GRM7: variants seen among roughly 807,000 people sequenced by gnomAD.
GRM7 encodes metabotropic glutamate receptor 7.
In GRM7, 35 loss-of-function variants were observed where a neutral mutation model predicts 84.5. That is an observed-to-expected ratio of 0.41 (90% CI 0.32 to 0.55). The LOEUF is 0.55. GRM7 is among the 20% of genes least tolerant of loss of function. The pLI, the probability that GRM7 is intolerant of heterozygous loss-of-function variation, is 0.19. For missense variants in GRM7, 1,003 were observed against 1,194.6 expected, an observed-to-expected ratio of 0.84 and a Z score of 2.36; for synonymous variants, 487 against 455.1, an observed-to-expected ratio of 1.07 and a Z score of -0.89.
chr3:7,435,073 G>A (rs1696986846), intron 5 of GRM7, among the ~76,000 whole-genome samples: 2 of 151,698 alleles, frequency 1.3e-5, no homozygotes, highest in African/African-American at 4.8e-5. Flanking sequence ...TAATTTATTG[G>A]CAAGCAAAAA....
At position 7,078,035 on chromosome 3, in the gene GRM7, G is replaced by A. The variant is rs62235993; in HGVS notation, c.520-68417G>A. Reference sequence around the variant, plus strand: ...CCTCAGGTAGCGTGAACAAATAACAGCACAGGCATTGGGTAAATGAATGGG... The same window carrying A: ...CCTCAGGTAGCGTGAACAAATAACAACACAGGCATTGGGTAAATGAATGGG... On this transcript the variant is annotated intron_variant, in intron 1 of 9. Transcript: ENST00000357716. Among the ~76,000 whole-genome samples the A allele has an allele frequency of 2.6e-3, 400 of 152,286 alleles. 2 individuals are homozygous for A. The highest frequency in any genetic ancestry group is 0.01 in the Middle Eastern group (3 of 294).
intron 3 of GRM7, among the ~76,000 whole-genome samples, chr3:7,303,608 T>G (rs909626952): frequency 2.6e-5 from 4 of 152,264 alleles, no homozygotes; most frequent in Admixed American, 2.6e-4. Context: ...AGTTATTTTT[T>G]TGGAAAACAT....
intron 1 of GRM7, among the ~76,000 whole-genome samples, chr3:6,956,901 C>T (rs1340823807): frequency 6.6e-6 from 1 of 152,080 alleles, no homozygotes; most frequent in Non-Finnish European, 1.5e-5. Context: ...ATAGGCTAAA[C>T]AAATATAAAC....
intron 8 of GRM7, among the ~76,000 whole-genome samples, chr3:7,671,132 C>A (rs903060334): frequency 2.0e-5 from 3 of 152,054 alleles, no homozygotes; most frequent in African/African-American, 7.2e-5. Context: ...ATCTTGAAAT[C>A]AAAATTGAGG....
At chr3:6,971,279 G>C (rs1693751442) in intron 1 of GRM7, among the ~76,000 whole-genome samples, 1 of 151,872 alleles carries the variant, frequency 6.6e-6, no homozygotes, top group Non-Finnish European at 1.5e-5. Flanking sequence ...ACCAATAAAA[G>C]TCAACAACTA....
At chr3:7,099,311 T>A (rs1217193920) in intron 1 of GRM7, among the ~76,000 whole-genome samples, 2 of 147,568 alleles carry the variant, frequency 1.4e-5, no homozygotes. Flanking sequence ...TACACATGTA[T>A]TATACATGTA....
At chr3:7,307,150 C>A (rs554055788) in intron 4 of GRM7, among the ~76,000 whole-genome samples, 6 of 152,266 alleles carry the variant, frequency 3.9e-5, no homozygotes, top group Admixed American at 2.6e-4. Context: ...CTTCCTAGGT[C>A]CCTTTTGTTT....
chr3:7,103,758 CTTTCTTTCTT>C (rs1389520311), intron 1 of GRM7, among the ~76,000 whole-genome samples: 2 of 36,286 alleles, frequency 5.5e-5, no homozygotes, highest in Non-Finnish European at 1.0e-4. Context: ...CCCTTTCTTT[CTTTCTTTCTT>C]TCTTTCTTTC....
At chr3:7,625,977 A>G (rs950869393) in intron 8 of GRM7, among the ~76,000 whole-genome samples, 1 of 152,192 alleles carries the variant, frequency 6.6e-6, no homozygotes, top group Admixed American at 6.6e-5. Context: ...CATTCAAGTT[A>G]CAGATTGTCC....
At chr3:7,240,686 T>C (rs1420194912) in intron 2 of GRM7, among the ~76,000 whole-genome samples, 1 of 152,158 alleles carries the variant, frequency 6.6e-6, no homozygotes, top group Non-Finnish European at 1.5e-5. Context: ...CTCTACTGAC[T>C]GTCAATCCCT....
At chr3:6,925,416 C>T (rs1389693142) in intron 1 of GRM7, among the ~76,000 whole-genome samples, 1 of 151,770 alleles carries the variant, frequency 6.6e-6, no homozygotes, top group South Asian at 2.1e-4. Flanking sequence ...GAGAAGGTTA[C>T]GTTGTTTTAT....
chr3:7,397,651 A>G (rs952450282), intron 4 of GRM7, among the ~76,000 whole-genome samples: 1 of 152,172 alleles, frequency 6.6e-6, no homozygotes, highest in Non-Finnish European at 1.5e-5. Flanking sequence ...TGCCCATATC[A>G]CATCACATGT....
intron 4 of GRM7, among the ~76,000 whole-genome samples, chr3:7,347,319 A>G (rs1172268523): frequency 6.6e-6 from 1 of 152,128 alleles, no homozygotes; most frequent in Non-Finnish European, 1.5e-5. Flanking sequence ...TATACATTTT[A>G]TGTTCTTGAG....
Position 7,169,447 on chromosome 3 carries a change from C to G in GRM7, c.736+22779C>G, listed in dbSNP as rs142036013. 9.8e-4 allele frequency among the ~76,000 whole-genome samples: 149 copies of G among 152,208 alleles called. No individual in the cohort carries two copies. The Middle Eastern group carries it at 0.017, about 17-fold the overall frequency. On this transcript the variant is annotated intron_variant, in intron 2 of 9. Coordinates refer to ENST00000357716, the MANE Select transcript of GRM7 (RefSeq NM_000844.4). ...AATTCAGAGGTGCCATCATGGGACT[C>G]ACATAAATTTTAAATGTCAAGACCA...
chr3:7,072,424 G>A (rs1183609277), intron 1 of GRM7, among the ~76,000 whole-genome samples: 6 of 152,280 alleles, frequency 3.9e-5, no homozygotes, highest in African/African-American at 1.4e-4. Flanking sequence ...GCTCATGCCT[G>A]TTATCCCAGC....
At chr3:7,046,751 G>A (rs1696819680) in intron 1 of GRM7, among the ~76,000 whole-genome samples, 1 of 151,958 alleles carries the variant, frequency 6.6e-6, no homozygotes, top group East Asian at 1.9e-4. Context: ...GGGTCCAGAG[G>A]GTCTTTTCTG....
intron 1 of GRM7, among the ~76,000 whole-genome samples, chr3:7,010,655 G>C (rs1695338614): frequency 1.3e-5 from 2 of 152,176 alleles, no homozygotes; most frequent in Admixed American, 1.3e-4. Flanking sequence ...AAGTAGAATA[G>C]GTTAGAGACA....
intron 4 of GRM7, among the ~76,000 whole-genome samples, chr3:7,383,136 T>C (rs923214115): frequency 3.9e-5 from 6 of 152,238 alleles, no homozygotes; most frequent in Non-Finnish European, 8.8e-5. Context: ...ACATTGATCC[T>C]GCAGGAAATA....
chr3:7,229,542 T>C (rs1473602029), intron 2 of GRM7, among the ~76,000 whole-genome samples: 1 of 150,984 alleles, frequency 6.6e-6, no homozygotes, highest in Non-Finnish European at 1.5e-5. Context: ...ATTTTTCCAT[T>C]ATTTGTTTAG....
Sources: allele counts gnomAD v4.1 joint callset (sites outside exome capture counted in the v4.1 genomes callset), GRCh38; gene constraint gnomAD v4.1.1; transcripts MANE v1.5; gene names NCBI Gene and HGNC (gene_info 2026-07-23, HGNC 2026-07-21).